DIP2C: variants seen among roughly 807,000 people sequenced by gnomAD.
DIP2C encodes disco-interacting protein 2 homolog C.
DIP2C carries 33 observed loss-of-function variants against 192.4 expected under a neutral mutation model. The observed-to-expected ratio is 0.17, with a 90% CI of 0.13 to 0.23. The LOEUF is 0.23. DIP2C is among the 10% of genes least tolerant of loss of function. The pLI is 1.00. For synonymous variants in DIP2C, 979 were observed against 864.1 expected (o/e 1.13, Z -2.33); for missense variants, 1,537 against 2,110.1 (o/e 0.73, Z 5.32).
chr10:569,283 T>C (rs116909967), intron 1 of DIP2C, among the ~76,000 whole-genome samples: 3,638 of 152,312 alleles, frequency 0.024, 74 homozygotes, highest in Non-Finnish European at 0.036. Context: ...AATAATGTCA[T>C]TGATTCTCAA....
intron 32 of DIP2C, among the ~76,000 whole-genome samples, chr10:296,780 T>C (rs1357073388): frequency 6.7e-6 from 1 of 150,152 alleles, no homozygotes; most frequent in African/African-American, 2.5e-5. Context: ...CAGCAAACTA[T>C]CACAAGGACA....
chr10:369,911 G>A lies in DIP2C; in HGVS notation c.1992-278C>T, dbSNP rs2132786293. On this transcript the variant is annotated intron_variant, in intron 17 of 36. Transcript: ENST00000280886. ...CTCCTCTCCTGCCCCCTCTATGCAG[G>A]CCCTGCACAGACCAGCTCTCTCTCC... The A allele has an allele frequency of 2.3e-6, 3 of 1,330,176 alleles. No homozygotes were observed. In the East Asian group the frequency reaches 9.9e-5, roughly 44 times the overall value. 82.4% of individuals were successfully genotyped at this position (1,330,176 alleles called of 1,614,324 possible). A position where few individuals can be genotyped will look rare whatever the true frequency, so the allele number is the denominator to read the frequency against.
In DIP2C at chr10:459,021, C is replaced by A. The variant is rs139328955; in HGVS notation, c.268+13418G>T. 5.1e-3 allele frequency among the ~76,000 whole-genome samples: 758 copies of A among 147,240 alleles called. 3 individuals are homozygous for A. The highest frequency in any genetic ancestry group is 0.018 in the African/African-American group (710 of 40,094). ...AAAAAAAAAAAAAAGCTTTAAAAAT[C>A]TAACAATAGTTCTCAAACTCTTTGA... On this transcript the variant is annotated intron_variant, in intron 3 of 36. Coordinates refer to ENST00000280886, the MANE Select transcript of DIP2C (RefSeq NM_014974.3).
At chr10:454,800 A>G (rs1969152493) in intron 3 of DIP2C, among the ~76,000 whole-genome samples, 1 of 151,544 alleles carries the variant, frequency 6.6e-6, no homozygotes, top group Admixed American at 6.6e-5. Flanking sequence ...GGATAAAAAC[A>G]TGAGCACCCC....
At position 415,665 on chromosome 10, in the gene DIP2C, G is replaced by A. The variant is rs887986087; in HGVS notation, c.859+104C>T. On this transcript the variant is annotated intron_variant, in intron 7 of 36. Transcript: ENST00000280886. ...GTTCCCATCATGCGGCAAATGCCAC[G>A]ATTACTGCTCTTAAAAAGTAAAATA... is the stretch of plus-strand genomic sequence containing the variant. 58 of 1,488,098 alleles carry A rather than the reference G, an allele frequency of 3.9e-5. No homozygotes were observed. The East Asian group carries it at 9.3e-4, about 24-fold the overall frequency. 92.2% of individuals were successfully genotyped at this position (1,488,098 alleles called of 1,614,324 possible).
At chr10:583,300 CAGAA>C (rs1260935727) in intron 1 of DIP2C, among the ~76,000 whole-genome samples, 1 of 152,184 alleles carries the variant, frequency 6.6e-6, no homozygotes. Flanking sequence ...CCTCTCTTAG[CAGAA>C]AGAGAATTAT....
chr10:384,724 C>CGCA, intron 14 of DIP2C, 85 bp from the exon 15 acceptor site: 1 of 1,369,766 alleles, frequency 7.3e-7, no homozygotes, highest in Non-Finnish European at 1.0e-6. Context: ...GACACTAGGC[C>CGCA]GCACGGGCAG....
intron 4 of DIP2C, among the ~76,000 whole-genome samples, chr10:431,238 G>GA (rs541871156): frequency 8.4e-4 from 126 of 150,588 alleles, no homozygotes; most frequent in South Asian, 3.2e-3. Flanking sequence ...TGTTGATATT[G>GA]AAAAAAAAAC....
intron 24 of DIP2C, among the ~76,000 whole-genome samples, chr10:354,294 A>T (rs1462320215): frequency 1.3e-5 from 2 of 152,178 alleles, no homozygotes; most frequent in Non-Finnish European, 2.9e-5. Flanking sequence ...ATTTCCGGGA[A>T]ATACATTTTC....
At chr10:338,090 G>C (rs193267716) in intron 29 of DIP2C, among the ~76,000 whole-genome samples, 380 of 152,324 alleles carry the variant, frequency 2.5e-3, no homozygotes, top group Middle Eastern at 0.024. Flanking sequence ...AAATTTAATA[G>C]AAAGCAGCTT....
intron 32 of DIP2C, among the ~76,000 whole-genome samples, chr10:303,326 A>G (rs1042001427): frequency 4.5e-4 from 68 of 152,214 alleles, no homozygotes; most frequent in African/African-American, 1.6e-3. Flanking sequence ...ATTCATAAAC[A>G]CTGTACTCGT....
chr10:297,405 A>T (rs891763274), intron 32 of DIP2C, among the ~76,000 whole-genome samples: 16 of 152,252 alleles, frequency 1.1e-4, no homozygotes, highest in African/African-American at 3.9e-4. Flanking sequence ...GATTCACAAT[A>T]CCCAAGATAT....
chr10:624,250 G>T (rs1476402803), intron 1 of DIP2C, among the ~76,000 whole-genome samples: 1 of 152,328 alleles, frequency 6.6e-6, no homozygotes, highest in South Asian at 2.1e-4. Context: ...TGTCACCTCT[G>T]TCACCAAAGT....
intron 17 of DIP2C, among the ~76,000 whole-genome samples, chr10:379,318 G>A (rs889171330): frequency 6.6e-6 from 1 of 151,258 alleles, no homozygotes; most frequent in Non-Finnish European, 1.5e-5. Flanking sequence ...TGCATCCTGC[G>A]TATTTATCAA....
chr10:349,270 T>C, intron 25 of DIP2C, 61 bp downstream of exon 25: 3 of 1,570,398 alleles, frequency 1.9e-6, no homozygotes, highest in Non-Finnish European at 2.6e-6. Context: ...GTAAGGGACC[T>C]CCTCGCACCG....
At chr10:653,676 G>A (rs1201509477) in intron 1 of DIP2C, among the ~76,000 whole-genome samples, 1 of 152,152 alleles carries the variant, frequency 6.6e-6, no homozygotes, top group African/African-American at 2.4e-5. Flanking sequence ...CATACTAACA[G>A]AATACATTTC....
At chr10:521,496 G>A (rs1027016147) in intron 1 of DIP2C, among the ~76,000 whole-genome samples, 1 of 152,172 alleles carries the variant, frequency 6.6e-6, no homozygotes, top group Non-Finnish European at 1.5e-5. Flanking sequence ...AAAGCCTGAC[G>A]TGTGGTCCCA....
intron 1 of DIP2C, among the ~76,000 whole-genome samples, chr10:569,503 C>A (rs372847706): frequency 6.6e-6 from 1 of 152,068 alleles, no homozygotes; most frequent in African/African-American, 2.4e-5. Context: ...CAAACTCAAA[C>A]GCAAAATAAC....
chr10:556,767 G>A (rs1251028701), intron 1 of DIP2C, among the ~76,000 whole-genome samples: 1 of 152,098 alleles, frequency 6.6e-6, no homozygotes, highest in African/African-American at 2.4e-5. Flanking sequence ...TTTTCTTGAT[G>A]CATCAAGCGA....
Sources: allele counts gnomAD v4.1 joint callset (sites outside exome capture counted in the v4.1 genomes callset), GRCh38; gene constraint gnomAD v4.1.1; transcripts MANE v1.5; gene names NCBI Gene and HGNC (gene_info 2026-07-23, HGNC 2026-07-21).